NXPE2: variants seen among roughly 807,000 people sequenced by gnomAD.
NXPE2 encodes neurexophilin and PC-esterase domain family member 2, also known as NXPE family member 2.
Under a neutral mutation model 34.4 loss-of-function variants are expected in NXPE2, and 34 were observed. The ratio of observed to expected loss-of-function variants is 0.99; its 90% CI spans 0.75 to 1.31. The LOEUF is 1.31. Among genes scored for constraint, NXPE2 ranks in the 40% most tolerant of loss-of-function variants. The pLI, the probability that NXPE2 is intolerant of heterozygous loss-of-function variation, is 0.00. For synonymous variants in NXPE2, 235 were observed against 231.3 expected, an observed-to-expected ratio of 1.02 and a Z score of -0.15; for missense variants, 649 against 672.5, an observed-to-expected ratio of 0.97 and a Z score of 0.39.
At chr11:114,678,416 G>A (rs955824964), upstream of NXPE2, 46 of 582,932 alleles carry the variant, frequency 7.9e-5, no homozygotes, top group Non-Finnish European at 1.3e-4. Flanking sequence ...TCATAATAAG[G>A]GAGGTTTATG....
the NXPE2 span, among the ~76,000 whole-genome samples, chr11:114,635,289 G>T: frequency 6.7e-6 from 1 of 149,852 alleles, no homozygotes; most frequent in Admixed American, 6.7e-5. Flanking sequence ...GTATAAGAAT[G>T]GTTGTGATTT....
chr11:114,467,092 A>G, the NXPE2 span, among the ~76,000 whole-genome samples: 1 of 152,212 alleles, frequency 6.6e-6, no homozygotes, highest in African/African-American at 2.4e-5. Flanking sequence ...GCAAAATTTT[A>G]TCTCAAGTGA....
chr11:114,804,019 C>T, the NXPE2 span, among the ~76,000 whole-genome samples: 1 of 152,174 alleles, frequency 6.6e-6, no homozygotes, highest in Admixed American at 6.5e-5. Context: ...GGGAACAAAA[C>T]ATTCAGACCA....
the NXPE2 span, among the ~76,000 whole-genome samples, chr11:114,618,091 G>A: frequency 1.5e-5 from 2 of 129,184 alleles, no homozygotes; most frequent in African/African-American, 5.9e-5. Flanking sequence ...TAACCACTGT[G>A]ACCCGGTGGA....
intron 2 of NXPE2, among the ~76,000 whole-genome samples, chr11:114,696,340 C>CAAAAAAAAAAAAAAAAAAAA (rs773266644): frequency 1.5e-5 from 1 of 64,604 alleles, no homozygotes; most frequent in Non-Finnish European, 2.8e-5. Flanking sequence ...TCAAAAAAAC[C>CAAAAAAAAAAAAAAAAAAAA]AAAAAAAAAA....
At chr11:114,643,452 T>C in the NXPE2 span, among the ~76,000 whole-genome samples, 1 of 152,206 alleles carries the variant, frequency 6.6e-6, no homozygotes, top group African/African-American at 2.4e-5. Context: ...AAGGAAGGGG[T>C]CCAGTTTCAG....
the NXPE2 span, among the ~76,000 whole-genome samples, chr11:114,806,127 T>C: frequency 6.6e-6 from 1 of 152,300 alleles, no homozygotes; most frequent in Non-Finnish European, 1.5e-5. Flanking sequence ...GACCTGCAGC[T>C]GAGGGTCCTG....
the NXPE2 span, among the ~76,000 whole-genome samples, chr11:114,640,997 A>G: frequency 1.3e-5 from 2 of 152,066 alleles, no homozygotes; most frequent in African/African-American, 4.8e-5. Context: ...AATCAACATC[A>G]TTGGAGAATG....
At chr11:114,552,736 T>C in the NXPE2 span, 1 of 221,204 alleles carries the variant, frequency 4.5e-6, no homozygotes, top group South Asian at 1.6e-4. Flanking sequence ...CGTATGGATA[T>C]GTTTCAGCAG....
At chr11:114,697,512 G>T (rs2135558700) in intron 2 of NXPE2, among the ~76,000 whole-genome samples, 1 of 152,284 alleles carries the variant, frequency 6.6e-6, no homozygotes, top group Admixed American at 6.5e-5. Context: ...AATTTGTGAT[G>T]CTTTGTGATG....
intron 2 of NXPE2, among the ~76,000 whole-genome samples, chr11:114,693,106 T>C (rs550108070): frequency 6.6e-6 from 1 of 152,236 alleles, no homozygotes; most frequent in Non-Finnish European, 1.5e-5. Flanking sequence ...ATCCAAACTA[T>C]TTTCTTCAAC....
chr11:114,727,812 C>CACACAT, the NXPE2 span, among the ~76,000 whole-genome samples: 29 of 150,954 alleles, frequency 1.9e-4, no homozygotes, highest in African/African-American at 6.9e-4. Context: ...CACACACACA[C>CACACAT]ACACATATCT....
rs1226749388 is a variant in NXPE2 at position 114,706,701 on chromosome 11, A to C, written c.1451A>C (p.Lys484Thr). 6.4e-7 allele frequency: 1 copy of C among 1,552,246 alleles called. No individual in the cohort carries two copies. The highest frequency in any genetic ancestry group is 2.0e-5 in the Admixed American group (1 of 51,004). ...CTATTCTTGCGAAGCCCGGAGACCA[A>C]GGTGATACTTAAAACTGAAAACACC... ...ERLFLRSPETKVILKTENTRE... is the reference protein window; with the variant it reads ...ERLFLRSPETTVILKTENTRE... The change falls in exon 6 of 6, where the codon AAG (lysine) becomes ACG (threonine). Residue 484 changes from lysine to threonine, a missense_variant. Transcript: ENST00000389586.
At chr11:114,529,952 A>C in the NXPE2 span, 5 of 505,684 alleles carry the variant, frequency 9.9e-6, no homozygotes, top group Non-Finnish European at 1.7e-5. Context: ...CTGTGAACAC[A>C]TAGAAGAACG....
rs1222896064 is a variant in NXPE2 at position 114,678,599 on chromosome 11, TA to T, written c.25del (p.Arg9GlyfsTer10). ...AGATGGTGGAGAAAATACTCATCCA[TA>T]GGTGTGGTACTTTCCAACTCTTACT... MVEKILIH[R>X]ILTLFPNAIA... On this transcript the variant is annotated frameshift_variant and splice_region_variant, in exon 1 of 6. Transcript: ENST00000389586. LOFTEE classifies it high-confidence loss of function. The T allele has an allele frequency of 9.7e-6, 15 of 1,548,344 alleles. 1 individual carries two copies. The Admixed American group carries it at 1.6e-4, about 16-fold the overall frequency.
At chr11:114,591,163 A>G in the NXPE2 span, among the ~76,000 whole-genome samples, 1 of 152,216 alleles carries the variant, frequency 6.6e-6, no homozygotes, top group Non-Finnish European at 1.5e-5. Flanking sequence ...GAATGATGTT[A>G]TTGAAAGTGC....
At chr11:114,698,849 C>T in intron 3 of NXPE2, 71 bp downstream of exon 3, 1 of 1,378,324 alleles carries the variant, frequency 7.3e-7, no homozygotes, top group Non-Finnish European at 9.6e-7. Context: ...GTAGTTTTGC[C>T]TAATCAAACT....
chr11:114,732,063 C>T, the NXPE2 span, among the ~76,000 whole-genome samples: 1 of 152,184 alleles, frequency 6.6e-6, no homozygotes, highest in East Asian at 1.9e-4. Context: ...AATGTTCTTA[C>T]ATTTTAATTT....
At chr11:114,571,125 T>G in the NXPE2 span, 1 of 1,613,978 alleles carries the variant, frequency 6.2e-7, no homozygotes, top group Non-Finnish European at 8.5e-7. Flanking sequence ...TCTTTCTGCA[T>G]CATTGTACAT....
Sources: gnomAD v4.1 joint callset for allele counts (sites outside exome capture counted in the v4.1 genomes callset) on GRCh38, gnomAD v4.1.1 for gene constraint, MANE v1.5 for transcripts, NCBI Gene and HGNC (gene_info 2026-07-23, HGNC 2026-07-21) for gene names.